Variants in DGKB observed in about 807,000 individuals in gnomAD.
The protein encoded by DGKB is 90 kDa diacylglycerol kinase.
A neutral mutation model predicts 114.3 loss-of-function variants in DGKB; 67 were observed. The observed-to-expected ratio is 0.59, with a 90% CI of 0.48 to 0.72. The LOEUF is 0.72. Among genes scored for constraint, DGKB ranks in the 30% least tolerant of loss-of-function variants. The pLI, the probability that DGKB is intolerant of heterozygous loss-of-function variation, is 0.00. For synonymous variants in DGKB, 398 were observed against 323.1 expected (o/e 1.23, Z -2.49); for missense variants, 907 against 975.2 (o/e 0.93, Z 0.93).
At chr7:14,427,915 C>T (rs1827820772) in intron 21 of DGKB, among the ~76,000 whole-genome samples, 1 of 152,078 alleles carries the variant, frequency 6.6e-6, no homozygotes. Context: ...TTCAAGTCTA[C>T]AATAATTTCT....
intron 21 of DGKB, among the ~76,000 whole-genome samples, chr7:14,471,219 T>C (rs1184273914): frequency 4.3e-5 from 5 of 116,750 alleles, no homozygotes; most frequent in East Asian, 2.9e-4. Context: ...TATATATACA[T>C]ATATATGTAT....
chr7:14,909,126 T>C (rs2128242738), intron 1 of DGKB, among the ~76,000 whole-genome samples: 1 of 152,348 alleles, frequency 6.6e-6, no homozygotes, highest in African/African-American at 2.4e-5. Flanking sequence ...CTTTTAGCGA[T>C]GGCTTTCTAT....
chr7:14,516,765 G>A (rs927573844), intron 20 of DGKB, among the ~76,000 whole-genome samples: 8 of 152,036 alleles, frequency 5.3e-5, no homozygotes, highest in African/African-American at 1.7e-4. Context: ...AGATCAAGGA[G>A]CTTTTAGGCA....
At chr7:14,672,647 A>G (rs1187066018) in intron 13 of DGKB, among the ~76,000 whole-genome samples, 1 of 152,084 alleles carries the variant, frequency 6.6e-6, no homozygotes, top group South Asian at 2.1e-4. Context: ...AAAATGTTGA[A>G]GTCTTCTGCC....
At chr7:14,388,524 A>G (rs1820801143) in intron 21 of DGKB, among the ~76,000 whole-genome samples, 1 of 151,058 alleles carries the variant, frequency 6.6e-6, no homozygotes, top group Admixed American at 6.6e-5. Context: ...TGAGGAGATA[A>G]TAAGTCATCA....
chr7:14,875,144 TAATAAC>T (rs1370326571), intron 1 of DGKB, among the ~76,000 whole-genome samples: 2 of 151,948 alleles, frequency 1.3e-5, no homozygotes, highest in African/African-American at 4.8e-5. Context: ...ATAATAATAA[TAATAAC>T]AATAACAATA....
chr7:14,232,155 T>C (rs958313724), intron 23 of DGKB, among the ~76,000 whole-genome samples: 6 of 151,896 alleles, frequency 4.0e-5, no homozygotes, highest in African/African-American at 1.5e-4. Flanking sequence ...CTAAGAGTAA[T>C]ATAAGAGGAT....
At chr7:14,317,543 A>G (rs909664914) in intron 23 of DGKB, among the ~76,000 whole-genome samples, 2 of 151,564 alleles carry the variant, frequency 1.3e-5, no homozygotes, top group Non-Finnish European at 2.9e-5. Flanking sequence ...CAATTGCTTC[A>G]AAGAGAATAA....
At chr7:14,526,294 G>C (rs1367309627) in intron 20 of DGKB, among the ~76,000 whole-genome samples, 1 of 152,004 alleles carries the variant, frequency 6.6e-6, no homozygotes, top group African/African-American at 2.4e-5. Flanking sequence ...AAGATGTTTG[G>C]CAATATCCCT....
At chr7:14,340,845 A>G (rs1246664922) in intron 22 of DGKB, among the ~76,000 whole-genome samples, 3 of 151,850 alleles carry the variant, frequency 2.0e-5, no homozygotes, top group South Asian at 2.1e-4. Flanking sequence ...TTTTCACTCA[A>G]TATTGAACAC....
intron 25 of DGKB, 110 bp from the exon 26 acceptor site, chr7:14,149,348 T>A: frequency 1.4e-6 from 1 of 702,414 alleles, no homozygotes; most frequent in Non-Finnish European, 2.3e-6. Context: ...CATGAGTGAC[T>A]GAAACACCGC....
In DGKB at chr7:14,938,995, G is replaced by C. The variant is rs529528875; in HGVS notation, c.-188+35701C>G. On this transcript the variant is annotated intron_variant, in intron 1 of 4. Transcript: ENST00000437998. ...CACATTACTATGAGAATAAAAGGAGGCAAGGCATTTAAGTACCAGATTCAC... is the reference window on the plus strand; with the variant it reads ...CACATTACTATGAGAATAAAAGGAGCCAAGGCATTTAAGTACCAGATTCAC... 1.2e-3 allele frequency among the ~76,000 whole-genome samples: 186 copies of C among 152,200 alleles called. 2 individuals carry two copies. The highest frequency in any genetic ancestry group is 4.4e-3 in the African/African-American group (182 of 41,536).
At chr7:14,627,153 A>C (rs1808738320) in intron 14 of DGKB, among the ~76,000 whole-genome samples, 2 of 152,158 alleles carry the variant, frequency 1.3e-5, no homozygotes, top group Non-Finnish European at 2.9e-5. Context: ...TCATAGCAGT[A>C]AAAGGTAAGT....
chr7:14,890,807 C>G (rs76458115), intron 1 of DGKB, among the ~76,000 whole-genome samples: 2,006 of 150,944 alleles, frequency 0.013, 39 homozygotes, highest in African/African-American at 0.047. Flanking sequence ...TAACGTTCAT[C>G]CCTCCTCTTT....
chr7:14,706,063 G>C (rs1472866688), intron 6 of DGKB, among the ~76,000 whole-genome samples: 1 of 149,272 alleles, frequency 6.7e-6, no homozygotes, highest in Non-Finnish European at 1.5e-5. Context: ...GCTGTATTCA[G>C]GAAACCCATC....
chr7:14,878,209 C>A (rs957138868), intron 1 of DGKB, among the ~76,000 whole-genome samples: 1 of 152,130 alleles, frequency 6.6e-6, no homozygotes, highest in East Asian at 1.9e-4. Flanking sequence ...TAATAATTCA[C>A]AAGTTAACAA....
intron 23 of DGKB, among the ~76,000 whole-genome samples, chr7:14,260,742 TAC>T (rs1429479468): frequency 3.3e-5 from 5 of 152,308 alleles, no homozygotes; most frequent in African/African-American, 9.6e-5. Context: ...AGCTACTTAA[TAC>T]CGTGGGATAA....
At chr7:14,644,074 A>C (rs555731803) in intron 13 of DGKB, among the ~76,000 whole-genome samples, 23 of 152,058 alleles carry the variant, frequency 1.5e-4, no homozygotes, top group African/African-American at 5.3e-4. Context: ...CTACAGCCTA[A>C]ACTACTGAGA....
At position 14,590,449 on chromosome 7, in the gene DGKB, G is replaced by A. The variant is rs576194616; in HGVS notation, c.1434-7312C>T. 3.3e-5 allele frequency among the ~76,000 whole-genome samples: 5 copies of A among 152,066 alleles called. No individual in the cohort carries two copies. The South Asian group carries it at 8.3e-4, about 25-fold the overall frequency. On this transcript the variant is annotated intron_variant, in intron 17 of 25. Coordinates refer to ENST00000402815, the MANE Select transcript of DGKB (RefSeq NM_001350709.2). The stretch of plus-strand genomic sequence containing the variant: ...CATTGTTCTTCTATTCCATGATGAT[G>A]TTTCATCTGTTATTCATTCTTGTTT...
Sources: allele counts gnomAD v4.1 joint callset (sites outside exome capture counted in the v4.1 genomes callset), GRCh38; gene constraint gnomAD v4.1.1; transcripts MANE v1.5; gene names NCBI Gene and HGNC (gene_info 2026-07-23, HGNC 2026-07-21).